Variants in SVIL observed in about 807,000 individuals in gnomAD.
SVIL encodes supervillin.
Under a neutral mutation model 240.4 loss-of-function variants are expected in SVIL, and 101 were observed. The ratio of observed to expected loss-of-function variants is 0.42; its 90% CI spans 0.36 to 0.50. The LOEUF (loss-of-function observed/expected upper bound fraction) is 0.50, where lower values mean the gene tolerates loss of function less well. SVIL is among the 20% of genes least tolerant of loss of function. The pLI is 0.01. For missense variants in SVIL, 2,512 were observed against 2,818.7 expected (o/e 0.89, Z 2.46); for synonymous variants, 999 against 1,100.0 (o/e 0.91, Z 1.82).
chr10:29,721,175 A>G (rs1963953510), intron 1 of SVIL, among the ~76,000 whole-genome samples: 1 of 152,122 alleles, frequency 6.6e-6, no homozygotes, highest in Non-Finnish European at 1.5e-5. Context: ...AGCAACCACA[A>G]AATAACAAAA....
At chr10:29,488,526 C>G (rs1947646771) in intron 23 of SVIL, 75 bp downstream of exon 23, 1 of 1,420,390 alleles carries the variant, frequency 7.0e-7, no homozygotes, top group Non-Finnish European at 9.2e-7. Context: ...CAATGAATTA[C>G]AGAGTCAGGA....
chr10:29,522,171 A>T (rs777223677), intron 16 of SVIL, among the ~76,000 whole-genome samples: 1 of 152,150 alleles, frequency 6.6e-6, no homozygotes, highest in East Asian at 1.9e-4. Context: ...TTGTTTTCTC[A>T]TCTGAGTCTG....
intron 5 of SVIL, among the ~76,000 whole-genome samples, chr10:29,553,882 A>G (rs767374117): frequency 6.6e-6 from 1 of 152,118 alleles, no homozygotes; most frequent in South Asian, 2.1e-4. Context: ...TGCAGCTTTG[A>G]CTCTAGCGCT....
At position 29,550,967 on chromosome 10, in the gene SVIL, T is replaced by C. The variant is rs775637553; in HGVS notation, c.457A>G (p.Ser153Gly). The change falls in exon 6 of 38, where the codon AGT becomes GGT. Residue 153 changes from serine (S) to glycine (G), a missense_variant. By Grantham distance (56) the Ser-to-Gly change is moderately conservative (BLOSUM62 0). Around this residue, in one of 3 missense-constraint regions of SVIL, gnomAD observed 1,443 missense variants for 1,486.6 expected, o/e 0.97. Transcript: ENST00000355867. ...PDAVEKRGGK[S>G]DKQEESSRDA... is the part of the protein sequence containing the mutation. ...CTGCTTGACTCTTCCTGTTTGTCAC[T>C]TTTTCCTCCCCGCTTCTCGACAGCA... 6.2e-7 allele frequency: 1 copy of C among 1,613,576 alleles called. No homozygotes were observed.
At chr10:29,505,652 T>A (rs950659790) in intron 17 of SVIL, among the ~76,000 whole-genome samples, 4 of 152,134 alleles carry the variant, frequency 2.6e-5, no homozygotes, top group African/African-American at 9.7e-5. Context: ...ACACCAAAAG[T>A]AAATTTTAAC....
At chr10:29,717,470 A>G (rs1428950385) in intron 1 of SVIL, among the ~76,000 whole-genome samples, 1 of 152,142 alleles carries the variant, frequency 6.6e-6, no homozygotes, top group African/African-American at 2.4e-5. Context: ...TATGTGGATG[A>G]CTTCACTGAA....
exon 3 of SVIL, chr10:29,658,025 A>C (rs1959056472): frequency 6.6e-6 from 1 of 152,230 alleles, no homozygotes; most frequent in Admixed American, 6.5e-5. Flanking sequence ...AAATCATCAT[A>C]TCTCAGCTTT....
At chr10:29,724,976 C>G (rs899219939) in intron 1 of SVIL, among the ~76,000 whole-genome samples, 11 of 138,054 alleles carry the variant, frequency 8.0e-5, no homozygotes, top group African/African-American at 3.0e-4. Flanking sequence ...TTGCGGTGAG[C>G]CAAGATCATG....
At chr10:29,528,292 T>C (rs1029428551) in intron 12 of SVIL, among the ~76,000 whole-genome samples, 2 of 152,154 alleles carry the variant, frequency 1.3e-5, no homozygotes, top group Non-Finnish European at 2.9e-5. Context: ...GGAGGAACTG[T>C]AGGCAGCTGA....
At chr10:29,522,893 A>C (rs1373286400) in intron 15 of SVIL, among the ~76,000 whole-genome samples, 1 of 152,198 alleles carries the variant, frequency 6.6e-6, no homozygotes, top group Non-Finnish European at 1.5e-5. Flanking sequence ...GTCAGCTTTA[A>C]CTATTTACTC....
intron 2 of SVIL, among the ~76,000 whole-genome samples, chr10:29,673,569 G>A (rs1186579277): frequency 1.4e-5 from 2 of 137,982 alleles, no homozygotes; most frequent in Non-Finnish European, 3.1e-5. Flanking sequence ...CGTCTTACAT[G>A]GCATTAGGGG....
intron 1 of SVIL, among the ~76,000 whole-genome samples, chr10:29,598,166 T>G (rs1564686384): frequency 1.3e-5 from 2 of 152,132 alleles, no homozygotes; most frequent in African/African-American, 4.8e-5. Context: ...CACATAATGA[T>G]GTACTTGTGA....
At chr10:29,625,431 C>A (rs547200859) in intron 1 of SVIL, among the ~76,000 whole-genome samples, 1 of 152,166 alleles carries the variant, frequency 6.6e-6, no homozygotes, top group Admixed American at 6.5e-5. Flanking sequence ...GGGTACTTGA[C>A]TTGTACTTGC....
At chr10:29,601,790 C>G (rs1956821612) in intron 1 of SVIL, among the ~76,000 whole-genome samples, 2 of 152,192 alleles carry the variant, frequency 1.3e-5, no homozygotes, top group African/African-American at 4.8e-5. Flanking sequence ...TGTAATAGTG[C>G]ACTCCGCACC....
chr10:29,678,638 C>T (rs1483279824), intron 2 of SVIL, among the ~76,000 whole-genome samples: 1 of 152,186 alleles, frequency 6.6e-6, no homozygotes, highest in Non-Finnish European at 1.5e-5. Context: ...GTTGATTTAG[C>T]CAAGAGGCTG....
intron 1 of SVIL, chr10:29,576,264 T>G (rs1178834306): frequency 7.5e-6 from 2 of 267,480 alleles, no homozygotes; most frequent in East Asian, 1.8e-4. Context: ...TCTCAATGAG[T>G]GACTAGCATA....
Position 29,488,848 on chromosome 10 carries a change from C to T in SVIL, c.4193-92G>A, listed in dbSNP as rs541105195. ...AAATTATTCATAACTGACTCAACAC[C>T]TTTGTCTTTTCAAGTTAATCCCGAG... On this transcript the variant is annotated intron_variant, in intron 22 of 37. Coordinates refer to ENST00000355867, the MANE Select transcript of SVIL (RefSeq NM_021738.3). 55 of 1,394,330 alleles carry T rather than the reference C, an allele frequency of 3.9e-5. No homozygotes were observed. The African/African-American group carries it at 7.2e-4, about 18-fold the overall frequency. The allele number at this position is 1,394,330 out of a possible 1,614,324, so 86.4% of individuals were successfully genotyped here.
intron 6 of SVIL, among the ~76,000 whole-genome samples, chr10:29,545,450 C>G (rs1488153049): frequency 6.6e-6 from 1 of 152,136 alleles, no homozygotes; most frequent in Non-Finnish European, 1.5e-5. Flanking sequence ...ATCATGTTCT[C>G]ACTACTAAGG....
intron 1 of SVIL, among the ~76,000 whole-genome samples, chr10:29,582,309 G>A (rs542279721): frequency 1.4e-4 from 22 of 152,314 alleles, no homozygotes; most frequent in African/African-American, 5.1e-4. Context: ...TGAGCACCTG[G>A]AGAACAGCTC....
Sources: gnomAD v4.1 joint callset for allele counts (sites outside exome capture counted in the v4.1 genomes callset) on GRCh38, gnomAD v4.1.1 for gene constraint, gnomAD v4.1.1 regional missense constraint, MANE v1.5 for transcripts, NCBI Gene and HGNC (gene_info 2026-07-23, HGNC 2026-07-21) for gene names.